IFT27: variants seen among roughly 807,000 people sequenced by gnomAD.
IFT27 encodes intraflagellar transport 27, also known as intraflagellar transport protein 27 homolog.
In IFT27, 19 loss-of-function variants were observed where a neutral mutation model predicts 23.9. That is an observed-to-expected ratio of 0.79 (90% CI 0.55 to 1.16). The LOEUF is 1.16. IFT27 is among the 50% of genes most tolerant of loss of function. The pLI is 0.00. For missense variants in IFT27, 206 were observed against 228.7 expected (o/e 0.90, Z 0.64); for synonymous variants, 91 against 89.1 (o/e 1.02, Z -0.12).
intron 3 of IFT27, 163 bp from the exon 4 acceptor site, chr22:36,766,360 AG>A: frequency 1.6e-6 from 1 of 639,038 alleles, no homozygotes; most frequent in Non-Finnish European, 2.8e-6. Flanking sequence ...GAGAAGATGA[AG>A]GGGAAAGGAG....
chr22:36,767,351 A>G lies in IFT27; in HGVS notation c.129T>C (p.Asp43=), dbSNP rs1190536035. ...GAACTGGCACTGTCTTCACCACCAA[A>G]TCCATTCCTGTTGTCTGCCGAGGAA... The part of the protein sequence containing the change: ...QKSYTLTTGM[D]LVVKTVPVPD... Residue 43 remains aspartate, a synonymous_variant, in exon 3 of 7, where the codon GAT becomes GAC. Coordinates refer to ENST00000433985, the MANE Select transcript of IFT27 (RefSeq NM_001177701.3). The G allele has an allele frequency of 4.3e-6, 7 of 1,613,304 alleles. No individual in the cohort carries two copies. The highest frequency in any genetic ancestry group is 3.3e-5 in the Admixed American group (2 of 59,964).
At chr22:36,772,322 G>C (rs543057962) in intron 1 of IFT27, 1 of 181,256 alleles carries the variant, frequency 5.5e-6, no homozygotes, top group East Asian at 1.9e-4. Context: ...CTAGCTGTGT[G>C]AGTTTAAATC....
At chr22:36,761,802 A>C (rs130568) in intron 6 of IFT27, 118,226 of 152,048 alleles carry the variant, frequency 0.78, 46,207 homozygotes, top group Middle Eastern at 0.92. Context: ...GCTTTGGGGG[A>C]GTTTTATAAG....
chr22:36,775,821 G>A lies in IFT27; in HGVS notation c.-114C>T. 9.5e-7 allele frequency: 1 copy of A among 1,049,230 alleles called. No individual in the cohort carries two copies. The highest frequency in any genetic ancestry group is 1.5e-6 in the Non-Finnish European group (1 of 679,092). The allele number at this position is 1,049,230 out of a possible 1,614,324, so 65.0% of individuals were successfully genotyped here. On this transcript the variant is annotated 5_prime_UTR_variant, in exon 1 of 7. Coordinates refer to ENST00000433985, the MANE Select transcript of IFT27 (RefSeq NM_001177701.3). ...TGGGACGGGAAGGTGGGGAGGGGAG[G>A]GCTGATCTCAAGGGTCAGTGGCCGC...
chr22:36,759,261 T>A (rs1468509499), intron 6 of IFT27: 1 of 152,246 alleles, frequency 6.6e-6, no homozygotes, highest in Non-Finnish European at 1.5e-5. Flanking sequence ...CTGGCTCCGG[T>A]CTCTCCCTCC....
chr22:36,775,595 T>G, intron 1 of IFT27, 79 bp downstream of exon 1: 1 of 1,496,954 alleles, frequency 6.7e-7, no homozygotes, highest in Non-Finnish European at 9.3e-7. Context: ...GCAATTTAGG[T>G]GAACAAAAGC....
rs570998217 is a variant in IFT27 at position 36,772,751 on chromosome 22, C to T, written c.34+2923G>A. 1.9e-5 allele frequency: 19 copies of T among 984,978 alleles called. No individual in the cohort carries two copies. In the African/African-American group the frequency reaches 2.4e-4, roughly 13 times the overall value. 61.0% of individuals were successfully genotyped at this position (984,978 alleles called of 1,614,324 possible). On this transcript the variant is annotated intron_variant, in intron 1 of 6. Coordinates refer to ENST00000433985, the MANE Select transcript of IFT27 (RefSeq NM_001177701.3). ...TCAATGCATAAACACTTGAACTGAACGTCAGGTCCTTCAATGACCAGTTAT... is the reference window on the plus strand; with the variant it reads ...TCAATGCATAAACACTTGAACTGAATGTCAGGTCCTTCAATGACCAGTTAT...
intron 4 of IFT27, 33 bp from the exon 5 acceptor site, chr22:36,764,069 G>A (rs774080143): frequency 5.4e-6 from 8 of 1,483,900 alleles, no homozygotes; most frequent in Admixed American, 5.0e-5. Flanking sequence ...GTATGGGTCA[G>A]TAACAGGAAA....
intron 1 of IFT27, among the ~76,000 whole-genome samples, chr22:36,768,909 C>T (rs778260541): frequency 1.9e-4 from 29 of 152,242 alleles, no homozygotes; most frequent in East Asian, 3.9e-4. Flanking sequence ...CCGCCCTCCG[C>T]GGCTTCCAAC....
chr22:36,768,104 C>T, intron 1 of IFT27: 1 of 636,718 alleles, frequency 1.6e-6, no homozygotes, highest in East Asian at 3.4e-5. Context: ...CAGGAACTGA[C>T]CCAGAAGGTA....
Position 36,762,840 on chromosome 22 carries a change from T to C in IFT27, c.462+64A>G, listed in dbSNP as rs1315947221. 5 of 1,055,642 alleles carry C rather than the reference T, an allele frequency of 4.7e-6. No individual in the cohort carries two copies. The African/African-American group carries it at 8.0e-5, about 17-fold the overall frequency. The allele number at this position is 1,055,642 out of a possible 1,614,324, so 65.4% of individuals were successfully genotyped here. A position where few individuals can be genotyped will look rare whatever the true frequency, so the allele number is the denominator to read the frequency against. On this transcript the variant is annotated intron_variant, in intron 6 of 6. Coordinates refer to ENST00000433985, the MANE Select transcript of IFT27 (RefSeq NM_001177701.3). ...ACAGCTCCCTGCACGTGAGGTCATG[T>C]GCAAGACCGCTGCCAGCAGAGGCCC... is the stretch of plus-strand genomic sequence containing the variant.
At chr22:36,767,514 T>C (rs569417969) in intron 2 of IFT27, 149 bp from the exon 3 acceptor site, 8 of 733,404 alleles carry the variant, frequency 1.1e-5, no homozygotes, top group Admixed American at 1.0e-4. Flanking sequence ...CAGCTCAGCA[T>C]GCAGAAGTCA....
intron 1 of IFT27, chr22:36,772,704 T>G: frequency 2.0e-6 from 2 of 984,778 alleles, no homozygotes; most frequent in African/African-American, 3.5e-5. Flanking sequence ...TCTGACGTAG[T>G]AGGTGCTCAG....
intron 1 of IFT27, among the ~76,000 whole-genome samples, chr22:36,774,007 A>T (rs1367149629): frequency 1.3e-5 from 2 of 152,226 alleles, no homozygotes; most frequent in Non-Finnish European, 2.9e-5. Context: ...TAAAAAAAAA[A>T]GTAACTTCAG....
intron 5 of IFT27, 79 bp from the exon 6 acceptor site, chr22:36,763,092 T>A: frequency 9.7e-7 from 1 of 1,028,252 alleles, no homozygotes; most frequent in Non-Finnish European, 1.4e-6. Flanking sequence ...AGAGCACTAT[T>A]TTTGAGGGGT....
intron 3 of IFT27, among the ~76,000 whole-genome samples, chr22:36,766,790 C>T (rs2145919782): frequency 6.6e-6 from 1 of 152,288 alleles, no homozygotes; most frequent in Non-Finnish European, 1.5e-5. Flanking sequence ...GGCTCCCCCA[C>T]AAGCTCCCTC....
At chr22:36,764,243 T>C (rs1341440154) in intron 4 of IFT27, among the ~76,000 whole-genome samples, 3 of 152,252 alleles carry the variant, frequency 2.0e-5, no homozygotes, top group East Asian at 1.9e-4. Flanking sequence ...GCTGGGGCGG[T>C]GCCGCCAAGG....
chr22:36,759,063 T>C (rs1244846604), intron 6 of IFT27: 1 of 152,426 alleles, frequency 6.6e-6, no homozygotes, highest in Admixed American at 6.5e-5. Flanking sequence ...CCAATAAGAA[T>C]GAACAGCCAG....
intron 1 of IFT27, among the ~76,000 whole-genome samples, chr22:36,769,385 G>A (rs1938342206): frequency 6.6e-6 from 1 of 152,186 alleles, no homozygotes; most frequent in Non-Finnish European, 1.5e-5. Flanking sequence ...TTGAGATGGA[G>A]TCTCTGTCAC....
Sources: gnomAD v4.1 joint callset for allele counts (sites outside exome capture counted in the v4.1 genomes callset) on GRCh38, gnomAD v4.1.1 for gene constraint, MANE v1.5 for transcripts, NCBI Gene and HGNC (gene_info 2026-07-23, HGNC 2026-07-21) for gene names.